VPS50: variants seen among roughly 807,000 people sequenced by gnomAD.
The protein encoded by VPS50 is syndetin.
A neutral mutation model predicts 139.7 loss-of-function variants in VPS50; 70 were observed. That is an observed-to-expected ratio of 0.50 (90% CI 0.41 to 0.61). The LOEUF is 0.61. Among genes scored for constraint, VPS50 ranks in the 20% least tolerant of loss-of-function variants. The probability of loss-of-function intolerance (pLI) is 0.00; values close to 1 mark genes in which losing one functional copy is unlikely to be tolerated. For synonymous variants in VPS50, 365 were observed against 376.7 expected, an observed-to-expected ratio of 0.97 and a Z score of 0.36; for missense variants, 921 against 1,133.7, an observed-to-expected ratio of 0.81 and a Z score of 2.69.
At chr7:93,354,277 CT>C (rs200009881) in intron 26 of VPS50, among the ~76,000 whole-genome samples, 2,694 of 146,238 alleles carry the variant, frequency 0.018, 90 homozygotes, top group African/African-American at 0.067. Context: ...CCCCTGATTT[CT>C]TTTTTTCTTT....
intron 20 of VPS50, among the ~76,000 whole-genome samples, chr7:93,319,269 C>T (rs1452238489): frequency 6.6e-6 from 1 of 151,926 alleles, no homozygotes; most frequent in Non-Finnish European, 1.5e-5. Flanking sequence ...AGTGTGGGAA[C>T]CACACTTCTC....
intron 16 of VPS50, among the ~76,000 whole-genome samples, chr7:93,300,226 T>TA (rs1158600594): frequency 1.3e-5 from 2 of 152,106 alleles, no homozygotes; most frequent in Non-Finnish European, 2.9e-5. Context: ...ACATTTCCAT[T>TA]AAGAAATCTC....
chr7:93,352,322 G>A (rs1798584431), intron 25 of VPS50, among the ~76,000 whole-genome samples: 1 of 152,138 alleles, frequency 6.6e-6, no homozygotes, highest in African/African-American at 2.4e-5. Context: ...GCAATTATTT[G>A]TATAGTTTTG....
chr7:93,270,182 TC>T (rs1378841274), intron 9 of VPS50, among the ~76,000 whole-genome samples: 2 of 151,900 alleles, frequency 1.3e-5, no homozygotes, highest in African/African-American at 4.8e-5. Context: ...CAATCACGTG[TC>T]CTAAGTGTAT....
intron 9 of VPS50, among the ~76,000 whole-genome samples, chr7:93,261,702 A>C (rs1186105755): frequency 6.7e-6 from 1 of 149,006 alleles, no homozygotes; most frequent in Non-Finnish European, 1.5e-5. Flanking sequence ...AAAAAAAAGA[A>C]ATTAGGCTGT....
chr7:93,275,928 A>G (rs1378532613), intron 11 of VPS50: 14 of 452,680 alleles, frequency 3.1e-5, no homozygotes, highest in Admixed American at 1.7e-4. Context: ...AATAAAGAAC[A>G]ACAGAGCAGT....
At position 93,358,330 on chromosome 7, in the gene VPS50, A is replaced by G. The variant is rs1323068946; in HGVS notation, c.2789A>G (p.Lys930Arg). 1.2e-5 allele frequency: 19 copies of G among 1,612,880 alleles called. No homozygotes were observed. The highest frequency in any genetic ancestry group is 1.4e-5 in the Non-Finnish European group (17 of 1,179,078). The change falls in exon 28 of 28, where the codon AAG becomes AGG. Residue 930 changes from lysine (K) to arginine (R), a missense_variant. This residue lies in a region of VPS50 where 158 missense variants were observed against 156.3 expected (regional missense o/e 1.01). Transcript: ENST00000305866. The stretch of plus-strand genomic sequence containing the variant: ...TTCTTTGAGCAGGAATATTCAACGA[A>G]GCAGCTGACCAATCTGGTGAATGTT... ...WIKEHREYSTKQLTNLVNVCL... is the reference protein window; with the variant it reads ...WIKEHREYSTRQLTNLVNVCL...
At chr7:93,347,259 A>C (rs1317959065) in intron 23 of VPS50, among the ~76,000 whole-genome samples, 3 of 141,356 alleles carry the variant, frequency 2.1e-5, no homozygotes, top group Non-Finnish European at 4.6e-5. Flanking sequence ...AGAAATGCAA[A>C]TCAAAACCAC....
At chr7:93,244,423 A>C (rs913723012) in intron 2 of VPS50, among the ~76,000 whole-genome samples, 1 of 151,902 alleles carries the variant, frequency 6.6e-6, no homozygotes, top group Non-Finnish European at 1.5e-5. Flanking sequence ...ATCACAGTCA[A>C]GAGACATAGG....
At chr7:93,317,686 T>C (rs1461192708) in intron 20 of VPS50, among the ~76,000 whole-genome samples, 2 of 152,238 alleles carry the variant, frequency 1.3e-5, no homozygotes, top group Non-Finnish European at 2.9e-5. Flanking sequence ...GCAGCTTGTC[T>C]AGGGACCACA....
chr7:93,305,638 C>G (rs1797092851), intron 17 of VPS50, among the ~76,000 whole-genome samples, 190 bp from the exon 18 acceptor site: 1 of 151,794 alleles, frequency 6.6e-6, no homozygotes, highest in Non-Finnish European at 1.5e-5. Flanking sequence ...ACTGAGTTGT[C>G]TTTAGGAAAA....
Position 93,360,789 on chromosome 7 carries a change from T to C in VPS50, c.*2353T>C, listed in dbSNP as rs146104663. ...AAGAATGATCATTTCTACAAATACA[T>C]TGTCTTGCATTTAAAAATGCTAGGG... On this transcript the variant is annotated 3_prime_UTR_variant, in exon 28 of 28. Coordinates refer to ENST00000305866, the MANE Select transcript of VPS50 (RefSeq NM_017667.4). 2.0e-5 allele frequency: 3 copies of C among 152,136 alleles called. No homozygotes were observed. The highest frequency in any genetic ancestry group is 4.8e-5 in the African/African-American group (2 of 41,540). The allele number at this position is 152,136 out of a possible 1,614,324, so 9.4% of individuals were successfully genotyped here. A position where few individuals can be genotyped will look rare whatever the true frequency, so the allele number is the denominator to read the frequency against.
intron 1 of VPS50, among the ~76,000 whole-genome samples, chr7:93,237,217 A>G (rs1437262821): frequency 1.3e-5 from 2 of 151,786 alleles, no homozygotes; most frequent in African/African-American, 2.4e-5. Flanking sequence ...CGGCCTCCCA[A>G]AGTGCTGGGA....
chr7:93,356,003 A>G lies in VPS50; in HGVS notation c.2698A>G (p.Lys900Glu). The G allele has an allele frequency of 6.3e-7, 1 of 1,585,648 alleles. No homozygotes were observed. Among genetic ancestry groups the G allele is most frequent in the Non-Finnish European group, 8.6e-7 (1 of 1,158,752 alleles). Residue 900 changes from lysine to glutamate, a missense_variant, in exon 27 of 28, where the codon AAA (lysine) becomes GAA (glutamate). By Grantham distance (56) the Lys-to-Glu change is moderately conservative (BLOSUM62 1). Around this residue, in one of 3 missense-constraint regions of VPS50, gnomAD observed 158 missense variants for 156.3 expected, o/e 1.01. Coordinates refer to ENST00000305866, the MANE Select transcript of VPS50 (RefSeq NM_017667.4). Reference sequence around the variant, plus strand: ...AACAGATATTAGACCCATTCCTGATAAAGAATTTGTAGAAACTTATATTAA... The same window carrying G: ...AACAGATATTAGACCCATTCCTGATGAAGAATTTGTAGAAACTTATATTAA... ...KLTDIRPIPD[K>E]EFVETYIKAY...
Position 93,356,095 on chromosome 7 carries a change from A to G in VPS50, c.2775+15A>G, listed in dbSNP as rs755713722. 3.1e-6 allele frequency: 4 copies of G among 1,304,202 alleles called. No homozygotes were observed. Among genetic ancestry groups the G allele is most frequent in the Non-Finnish European group, 4.1e-6 (4 of 969,884 alleles). 80.8% of individuals were successfully genotyped at this position (1,304,202 alleles called of 1,614,324 possible). On this transcript the variant is annotated intron_variant, in intron 27 of 27. Transcript: ENST00000305866. ...AAGAGCACAGGGTGAGAGCTGGAAAATAGTTAATTAAGTTTTTATTCCTTT... is the reference window on the plus strand; with the variant it reads ...AAGAGCACAGGGTGAGAGCTGGAAAGTAGTTAATTAAGTTTTTATTCCTTT...
At chr7:93,312,201 C>T (rs1797289006) in intron 20 of VPS50, among the ~76,000 whole-genome samples, 1 of 152,070 alleles carries the variant, frequency 6.6e-6, no homozygotes, top group African/African-American at 2.4e-5. Context: ...TTTCATGATG[C>T]TCAGAAAAAA....
chr7:93,305,985 A>G lies in VPS50; in HGVS notation c.1610A>G (p.Asp537Gly). 1.2e-6 allele frequency: 2 copies of G among 1,611,416 alleles called. No individual in the cohort carries two copies. The highest frequency in any genetic ancestry group is 1.7e-6 in the Non-Finnish European group (2 of 1,177,826). ...QANHKDEETE[D>G]VLASNGYESD... ...AACCACAAAGATGAAGAAACAGAAGATGTCTTAGCTTCTAATGGGGTATGT... is the reference window on the plus strand; with the variant it reads ...AACCACAAAGATGAAGAAACAGAAGGTGTCTTAGCTTCTAATGGGGTATGT... Residue 537 changes from aspartate to glycine, a missense_variant, in exon 18 of 28, where the codon GAT (aspartate) becomes GGT (glycine). Asp to Gly is a moderately conservative substitution (Grantham distance 94). Transcript: ENST00000305866.
At chr7:93,240,063 A>G in intron 2 of VPS50, 129 bp downstream of exon 2, 1 of 618,860 alleles carries the variant, frequency 1.6e-6, no homozygotes, top group Admixed American at 2.7e-5. Flanking sequence ...AGCTAGGTAA[A>G]TTTTTATTGT....
chr7:93,275,579 T>C (rs1027323478), intron 11 of VPS50, among the ~76,000 whole-genome samples: 1 of 152,202 alleles, frequency 6.6e-6, no homozygotes, highest in African/African-American at 2.4e-5. Context: ...TTTAAAGACA[T>C]AATGCTATTA....
Sources: allele counts gnomAD v4.1 joint callset (sites outside exome capture counted in the v4.1 genomes callset), GRCh38; gene constraint gnomAD v4.1.1; regional missense constraint gnomAD v4.1.1; transcripts MANE v1.5; gene names NCBI Gene and HGNC (gene_info 2026-07-23, HGNC 2026-07-21).